SEMA6D: variants seen among roughly 807,000 people sequenced by gnomAD.
The protein encoded by SEMA6D is semaphorin 6D.
Under a neutral mutation model 106.6 loss-of-function variants are expected in SEMA6D, and 35 were observed. The ratio of observed to expected loss-of-function variants is 0.33; its 90% confidence interval spans 0.25 to 0.44. SEMA6D has a LOEUF of 0.44. SEMA6D is among the 20% of genes least tolerant of loss of function. The probability of loss-of-function intolerance (pLI) is 1.00; values close to 1 mark genes in which losing one functional copy is unlikely to be tolerated. For missense variants in SEMA6D, 1,185 were observed against 1,345.9 expected, an observed-to-expected ratio of 0.88 and a Z score of 1.87; for synonymous variants, 499 against 487.7, an observed-to-expected ratio of 1.02 and a Z score of -0.31.
At chr15:47,555,535 GAACAT>G (rs1566886031) in intron 3 of SEMA6D, among the ~76,000 whole-genome samples, 1 of 152,110 alleles carries the variant, frequency 6.6e-6, no homozygotes, top group Non-Finnish European at 1.5e-5. Context: ...AGTAGGGTGG[GAACAT>G]TATGTGGGTA....
intron 1 of SEMA6D, among the ~76,000 whole-genome samples, chr15:47,752,784 A>G (rs996615001): frequency 2.6e-5 from 4 of 152,096 alleles, no homozygotes; most frequent in Non-Finnish European, 5.9e-5. Flanking sequence ...CGAGGTGGAC[A>G]GATCACTTGA....
At chr15:47,231,075 C>T (rs1271489325) in intron 1 of SEMA6D, among the ~76,000 whole-genome samples, 1 of 151,934 alleles carries the variant, frequency 6.6e-6, no homozygotes, top group Non-Finnish European at 1.5e-5. Context: ...AAGGCCTGGC[C>T]ATTCGTCTCC....
intron 4 of SEMA6D, among the ~76,000 whole-genome samples, chr15:47,695,623 A>T (rs2078683666): frequency 6.6e-6 from 1 of 152,140 alleles, no homozygotes; most frequent in Non-Finnish European, 1.5e-5. Flanking sequence ...CTGCCCTTTG[A>T]CTATCAAAAT....
intron 3 of SEMA6D, among the ~76,000 whole-genome samples, chr15:47,560,556 A>G (rs2046049141): frequency 6.6e-6 from 1 of 152,112 alleles, no homozygotes; most frequent in Non-Finnish European, 1.5e-5. Context: ...AATGAACAGA[A>G]CTTCAAAAAC....
chr15:47,621,403 G>T (rs1418087961), intron 4 of SEMA6D, among the ~76,000 whole-genome samples: 1 of 151,866 alleles, frequency 6.6e-6, no homozygotes, highest in Non-Finnish European at 1.5e-5. Context: ...AATTTTAGTT[G>T]AATTAGCTAA....
intron 1 of SEMA6D, among the ~76,000 whole-genome samples, chr15:47,370,486 G>C (rs1312614496): frequency 6.6e-6 from 1 of 152,010 alleles, no homozygotes; most frequent in Non-Finnish European, 1.5e-5. Flanking sequence ...CTGCACTGCA[G>C]CCTGGGTGAC....
At chr15:47,515,462 A>G (rs961639701) in intron 3 of SEMA6D, among the ~76,000 whole-genome samples, 1 of 152,234 alleles carries the variant, frequency 6.6e-6, no homozygotes, top group East Asian at 1.9e-4. Flanking sequence ...CACCTTTGAC[A>G]CATAGTAGGC....
chr15:47,765,236 A>AG (rs970388537), intron 13 of SEMA6D, 180 bp downstream of exon 13: 15 of 1,391,354 alleles, frequency 1.1e-5, no homozygotes, highest in African/African-American at 8.7e-5. Flanking sequence ...TGCTAGGGCG[A>AG]GGGGGGTGAA....
intron 3 of SEMA6D, among the ~76,000 whole-genome samples, chr15:47,578,727 C>G (rs959293400): frequency 2.6e-5 from 4 of 151,426 alleles, no homozygotes; most frequent in Non-Finnish European, 5.9e-5. Context: ...TGAGGAAATT[C>G]TACCTGTTAG....
chr15:47,547,249 C>T (rs1008916035), intron 3 of SEMA6D, among the ~76,000 whole-genome samples: 1 of 151,996 alleles, frequency 6.6e-6, no homozygotes, highest in African/African-American at 2.4e-5. Flanking sequence ...TTAAAACCCA[C>T]CAGTTTATAA....
At chr15:47,306,757 A>G (rs191947425) in intron 1 of SEMA6D, among the ~76,000 whole-genome samples, 8 of 152,324 alleles carry the variant, frequency 5.3e-5, no homozygotes, top group African/African-American at 1.7e-4. Flanking sequence ...CAAATAAACA[A>G]TGAGGTCAAT....
intron 1 of SEMA6D, among the ~76,000 whole-genome samples, chr15:47,301,369 T>C (rs2036010463): frequency 1.3e-5 from 2 of 149,158 alleles, no homozygotes; most frequent in South Asian, 4.4e-4. Flanking sequence ...CTATCTACTG[T>C]CAGAAACTAG....
At chr15:47,207,989 GCGCGCACACACA>G (rs1302952988) in intron 1 of SEMA6D, among the ~76,000 whole-genome samples, 12 of 62,320 alleles carry the variant, frequency 1.9e-4, no homozygotes, top group South Asian at 6.5e-4. Flanking sequence ...CCACTGGCGC[GCGCGCACACACA>G]CACACACACA....
At chr15:47,677,683 T>C (rs1336141926) in intron 4 of SEMA6D, among the ~76,000 whole-genome samples, 1 of 152,218 alleles carries the variant, frequency 6.6e-6, no homozygotes, top group African/African-American at 2.4e-5. Flanking sequence ...TATTGTTAAA[T>C]GATGGAATTG....
intron 1 of SEMA6D, among the ~76,000 whole-genome samples, chr15:47,735,770 G>A (rs1182788131): frequency 6.6e-6 from 1 of 152,170 alleles, no homozygotes; most frequent in African/African-American, 2.4e-5. Flanking sequence ...CTGAAGAGAT[G>A]GGGAGCTTTT....
chr15:47,506,641 G>A (rs886329110), intron 3 of SEMA6D, among the ~76,000 whole-genome samples: 4 of 140,928 alleles, frequency 2.8e-5, no homozygotes, highest in Non-Finnish European at 5.9e-5. Flanking sequence ...CAGCGTTATC[G>A]ACTGCCTTGC....
chr15:47,517,485 A>G (rs2044426368), intron 3 of SEMA6D, among the ~76,000 whole-genome samples: 1 of 152,118 alleles, frequency 6.6e-6, no homozygotes, highest in African/African-American at 2.4e-5. Flanking sequence ...AGTGAATTCT[A>G]TTTCAAGCTT....
intron 1 of SEMA6D, chr15:47,730,291 C>T: frequency 6.5e-6 from 10 of 1,534,094 alleles, no homozygotes; most frequent in Non-Finnish European, 8.9e-6. Context: ...CTTCCACCAG[C>T]TTAGCCAAAG....
chr15:47,283,484 C>A (rs1158461612), intron 1 of SEMA6D, among the ~76,000 whole-genome samples: 1 of 152,100 alleles, frequency 6.6e-6, no homozygotes, highest in African/African-American at 2.4e-5. Context: ...TCACTCAATT[C>A]CTGCCACTTT....
Sources: gnomAD v4.1 joint callset for allele counts (sites outside exome capture counted in the v4.1 genomes callset) on GRCh38, gnomAD v4.1.1 for gene constraint, MANE v1.5 for transcripts, NCBI Gene and HGNC (gene_info 2026-07-23, HGNC 2026-07-21) for gene names.